Variants in TMIGD1 observed in about 807,000 individuals in gnomAD.
TMIGD1 encodes transmembrane and immunoglobulin domain-containing protein 1.
TMIGD1 carries 29 observed loss-of-function variants against 27.5 expected under a neutral mutation model. The ratio of observed to expected loss-of-function variants is 1.05; its 90% confidence interval spans 0.78 to 1.44. The LOEUF is 1.44. TMIGD1 is among the 40% of genes most tolerant of loss of function. The pLI is 0.00. For synonymous variants in TMIGD1, 109 were observed against 110.3 expected (o/e 0.99, Z 0.07); for missense variants, 334 against 310.6 (o/e 1.08, Z -0.57).
chr17:30,332,063 C>A lies in TMIGD1; in HGVS notation c.71G>T (p.Arg24Leu). 1.9e-6 allele frequency: 3 copies of A among 1,610,654 alleles called. No homozygotes were observed. Among genetic ancestry groups the A allele is most frequent in the East Asian group, 2.2e-5 (1 of 44,808 alleles). The change falls in exon 2 of 7, where the codon CGT (arginine) becomes CTT (leucine). Residue 24 changes from arginine to leucine, a missense_variant. Transcript: ENST00000328886. ...GAACTTTAACTTACTTGTCATCTCACGTGGCAGAAATAAAATTACTAAGAG... is the reference window on the plus strand; with the variant it reads ...GAACTTTAACTTACTTGTCATCTCAAGTGGCAGAAATAAAATTACTAAGAG... ...FLLLVILFLP[R>L]EMTSSVLTVN...
At chr17:30,332,600 A>G (rs1910016325) in intron 1 of TMIGD1, among the ~76,000 whole-genome samples, 1 of 152,192 alleles carries the variant, frequency 6.6e-6, no homozygotes, top group Non-Finnish European at 1.5e-5. Context: ...TCCAAATCCC[A>G]TAGATTCAAA....
chr17:30,321,945 C>CA (rs1567848613), intron 4 of TMIGD1, among the ~76,000 whole-genome samples: 1 of 152,138 alleles, frequency 6.6e-6, no homozygotes, highest in Non-Finnish European at 1.5e-5. Context: ...CCTCCTACTT[C>CA]AGCCTCCTGA....
At position 30,329,804 on chromosome 17, in the gene TMIGD1, G is replaced by T. The variant is rs140438562; in HGVS notation, c.83-275C>A. Among the ~76,000 whole-genome samples the T allele has an allele frequency of 7.2e-5, 11 of 152,166 alleles. No homozygotes were observed. The East Asian group carries it at 1.9e-3, about 27-fold the overall frequency. On this transcript the variant is annotated intron_variant, in intron 2 of 6. Coordinates refer to ENST00000328886, the MANE Select transcript of TMIGD1 (RefSeq NM_206832.3). ...TTAAAAAGTACTGATGTAGCTGGGT[G>T]CTGTGCCTATAATCCCAGGGCTTTG...
At chr17:30,327,626 C>G (rs191909407) in intron 3 of TMIGD1, among the ~76,000 whole-genome samples, 3 of 152,000 alleles carry the variant, frequency 2.0e-5, no homozygotes, top group African/African-American at 7.2e-5. Flanking sequence ...GTGGCGCAAT[C>G]ACAGCTCGCT....
chr17:30,319,263 T>A (rs186641393), intron 4 of TMIGD1, among the ~76,000 whole-genome samples: 2,528 of 52,830 alleles, frequency 0.048, 111 homozygotes, highest in Middle Eastern at 0.13. Flanking sequence ...AAAAAAAAAA[T>A]ATATATATAT....
At chr17:30,328,785 C>A (rs577447951) in intron 3 of TMIGD1, among the ~76,000 whole-genome samples, 1 of 151,664 alleles carries the variant, frequency 6.6e-6, no homozygotes, top group Non-Finnish European at 1.5e-5. Flanking sequence ...GTGAACCCCC[C>A]GTCTCTACTA....
chr17:30,331,719 G>A (rs1206798208), intron 2 of TMIGD1, among the ~76,000 whole-genome samples: 3 of 151,874 alleles, frequency 2.0e-5, no homozygotes, highest in African/African-American at 7.3e-5. Flanking sequence ...CACCCGAGTA[G>A]CTGGAACTAC....
chr17:30,330,754 C>T (rs1016788736), intron 2 of TMIGD1, among the ~76,000 whole-genome samples: 2 of 152,212 alleles, frequency 1.3e-5, no homozygotes, highest in African/African-American at 2.4e-5. Context: ...CTATTCATTG[C>T]ATAGTAATAC....
In TMIGD1 at chr17:30,325,073, T is replaced by C. The variant is rs1228478291; in HGVS notation, c.383A>G (p.Asn128Ser). The change falls in exon 4 of 7, where the codon AAC becomes AGC. Residue 128 changes from asparagine (N) to serine (S), a missense_variant. Physicochemically the swap from Asn to Ser is conservative, Grantham distance 46. Coordinates refer to ENST00000328886, the MANE Select transcript of TMIGD1 (RefSeq NM_206832.3). ...GCCTTCCTCAACTGTTTGGAAGTCG[T>C]TTCCACTTAGGAGAGGAGGAACTGC... ...NVTFPPLLSG[N>S]DFQTVEEGSN... The C allele has an allele frequency of 6.2e-7, 1 of 1,613,276 alleles. No individual in the cohort carries two copies. Among genetic ancestry groups the C allele is most frequent in the Non-Finnish European group, 8.5e-7 (1 of 1,179,482 alleles).
intron 3 of TMIGD1, 45 bp downstream of exon 3, chr17:30,329,206 A>G (rs761045495): frequency 6.3e-7 from 1 of 1,592,690 alleles, no homozygotes; most frequent in Non-Finnish European, 8.6e-7. Flanking sequence ...TTCATGTGTT[A>G]CAGACATTAC....
intron 3 of TMIGD1, 40 bp downstream of exon 3, chr17:30,329,211 C>T: frequency 6.3e-7 from 1 of 1,598,576 alleles, no homozygotes; most frequent in Non-Finnish European, 8.5e-7. Flanking sequence ...GTGTTACAGA[C>T]ATTACAGACC....
At chr17:30,332,568 A>AT (rs1910015339) in intron 1 of TMIGD1, among the ~76,000 whole-genome samples, 1 of 152,172 alleles carries the variant, frequency 6.6e-6, no homozygotes, top group African/African-American at 2.4e-5. Flanking sequence ...GTTCTCTGAT[A>AT]ATAGAGAGTT....
At chr17:30,319,888 A>G (rs1361681087) in intron 4 of TMIGD1, among the ~76,000 whole-genome samples, 1 of 152,104 alleles carries the variant, frequency 6.6e-6, no homozygotes, top group Non-Finnish European at 1.5e-5. Context: ...AGCCTTCCCA[A>G]CCTTGGCAAA....
chr17:30,327,080 T>A (rs1308223924), intron 3 of TMIGD1, among the ~76,000 whole-genome samples: 1 of 134,190 alleles, frequency 7.5e-6, no homozygotes. Flanking sequence ...ACACACACAC[T>A]TAGCAACAAT....
At chr17:30,330,067 A>G (rs1371183942) in intron 2 of TMIGD1, among the ~76,000 whole-genome samples, 1 of 152,122 alleles carries the variant, frequency 6.6e-6, no homozygotes, top group East Asian at 1.9e-4. Context: ...TCTGGGTGAT[A>G]GAGCAAGACC....
Position 30,329,512 on chromosome 17 carries a change from T to A in TMIGD1, c.100A>T (p.Asn34Tyr). 6.2e-7 allele frequency: 1 copy of A among 1,611,914 alleles called. No individual in the cohort carries two copies. Among genetic ancestry groups the A allele is most frequent in the Non-Finnish European group, 8.5e-7 (1 of 1,178,244 alleles). The change falls in exon 3 of 7, where the codon AAT (asparagine) becomes TAT (tyrosine). Residue 34 changes from asparagine to tyrosine, a missense_variant. Coordinates refer to ENST00000328886, the MANE Select transcript of TMIGD1 (RefSeq NM_206832.3). ...AGGATATAGTTCTCAGTTTTACCAT[T>A]CACAGTTAAAACAGAACCTGGGAGT... ...REMTSSVLTVNGKTENYILDT... is the reference protein window; with the variant it reads ...REMTSSVLTVYGKTENYILDT...
At chr17:30,317,624 G>A (rs1220959372) in intron 5 of TMIGD1, among the ~76,000 whole-genome samples, 1 of 152,022 alleles carries the variant, frequency 6.6e-6, no homozygotes, top group Admixed American at 6.6e-5. Context: ...GCCAGGCATG[G>A]TGCCACATGC....
chr17:30,326,210 G>A (rs1909768996), intron 3 of TMIGD1, among the ~76,000 whole-genome samples: 1 of 152,118 alleles, frequency 6.6e-6, no homozygotes, highest in African/African-American at 2.4e-5. Context: ...GAACATAATT[G>A]CCAAATGGAA....
At chr17:30,332,179 T>C in intron 1 of TMIGD1, 21 bp from the exon 2 acceptor site, 1 of 1,522,808 alleles carries the variant, frequency 6.6e-7, no homozygotes, top group Non-Finnish European at 9.0e-7. Flanking sequence ...AATAGTGCAG[T>C]TGGTTTTGTA....
Sources: allele counts gnomAD v4.1 joint callset (sites outside exome capture counted in the v4.1 genomes callset), GRCh38; gene constraint gnomAD v4.1.1; transcripts MANE v1.5; gene names NCBI Gene and HGNC (gene_info 2026-07-23, HGNC 2026-07-21).